EIF5: variants seen among roughly 807,000 people sequenced by gnomAD.
EIF5 encodes the protein eukaryotic translation initiation factor 5.
EIF5 carries 10 observed loss-of-function variants against 48.3 expected under a neutral mutation model. The observed-to-expected ratio is 0.21, with a 90% CI of 0.13 to 0.35. The LOEUF (loss-of-function observed/expected upper bound fraction) is 0.35. EIF5 is among the 10% of genes least tolerant of loss of function. EIF5 has a pLI of 1.00. For synonymous variants in EIF5, 237 were observed against 173.1 expected (o/e 1.37, Z -2.90); for missense variants, 397 against 533.2 (o/e 0.74, Z 2.51).
chr14:103,339,882 G>T, intron 10 of EIF5, 79 bp downstream of exon 10: 2 of 1,469,112 alleles, frequency 1.4e-6, no homozygotes, highest in Non-Finnish European at 1.8e-6. Flanking sequence ...TTTTGGAGAC[G>T]GAGTCTCATT....
In EIF5 at chr14:103,341,077, C is replaced by T; in HGVS notation, c.*25C>T. 1 of 1,606,550 alleles carries T rather than the reference C, an allele frequency of 6.2e-7. No individual in the cohort carries two copies. Among genetic ancestry groups the T allele is most frequent in the Non-Finnish European group, 8.5e-7 (1 of 1,173,856 alleles). ...AAGGGATGGATGCAACCTAGCTTAA[C>T]AGTATAATGCTGCAAATTTTCCTCC... On this transcript the variant is annotated 3_prime_UTR_variant, in exon 12 of 12. Coordinates refer to ENST00000216554, the MANE Select transcript of EIF5 (RefSeq NM_001969.5).
chr14:103,340,584 A>G (rs770713153), intron 11 of EIF5, 23 bp downstream of exon 11: 29 of 1,602,434 alleles, frequency 1.8e-5, no homozygotes, highest in Non-Finnish European at 2.5e-5. Flanking sequence ...GGAGGAGGGT[A>G]TTGGATACAG....
In EIF5 at chr14:103,338,878, C is replaced by G. The variant is rs749888858; in HGVS notation, c.729C>G (p.Leu243=). 8.1e-6 allele frequency: 13 copies of G among 1,613,562 alleles called. No individual in the cohort carries two copies. The highest frequency in any genetic ancestry group is 1.1e-5 in the Non-Finnish European group (13 of 1,179,868). ...CAATTGAGGAGAGGGTCAATATCCTCTTTGATTTTGTTAAGGTAAAACATT... is the reference window on the plus strand; with the variant it reads ...CAATTGAGGAGAGGGTCAATATCCTGTTTGATTTTGTTAAGGTAAAACATT... ...ERTIEERVNI[L]FDFVKKKKEE... The change falls in exon 8 of 12, where the codon CTC becomes CTG. Residue 243 remains leucine (L), a synonymous_variant. Transcript: ENST00000216554.
chr14:103,339,346 C>G lies in EIF5; in HGVS notation c.906+13C>G, dbSNP rs373125881. On this transcript the variant is annotated intron_variant, in intron 9 of 11. Transcript: ENST00000216554. ...CCATTTCCTACGAGTAAGCAAAGTG[C>G]TCTGGATTCATAAATGAGATTACAG... The G allele has an allele frequency of 1.3e-6, 2 of 1,580,814 alleles. No individual in the cohort carries two copies. Among genetic ancestry groups the G allele is most frequent in the Non-Finnish European group, 1.7e-6 (2 of 1,169,812 alleles).
At chr14:103,339,394 A>G in intron 9 of EIF5, 61 bp downstream of exon 9, 5 of 1,540,176 alleles carry the variant, frequency 3.2e-6, no homozygotes, top group South Asian at 2.6e-5. Context: ...CGAGATGGTC[A>G]TATTAACCAC....
At chr14:103,335,549 A>C (rs186271244) in intron 2 of EIF5, 104 bp from the exon 3 acceptor site, 1 of 417,882 alleles carries the variant, frequency 2.4e-6, no homozygotes. Context: ...TTTAAGGTGG[A>C]GTTAAGCAGA....
rs1002102885 is a variant in EIF5, at chr14:103,343,733, C to G, written c.*2681C>G. The G allele has an allele frequency of 6.6e-6, 1 of 152,142 alleles. No homozygotes were observed. The allele number at this position is 152,142 out of a possible 1,614,324, so 9.4% of individuals were successfully genotyped here. On this transcript the variant is annotated 3_prime_UTR_variant, in exon 12 of 12. Coordinates refer to ENST00000216554, the MANE Select transcript of EIF5 (RefSeq NM_001969.5). The stretch of plus-strand genomic sequence containing the variant: ...CAAAAAGCAGATAAGTGAGTTTGAA[C>G]CTTTTGCATTTTGTTAGCTCAGTCA...
chr14:103,343,015 T>C lies in EIF5; in HGVS notation c.*1963T>C, dbSNP rs1302170809. ...AAATTTGGCTTAAACCAGTGTTCAG[T>C]CTGGTGCCAAACTTCGAATGGAATA... is the stretch of plus-strand genomic sequence containing the variant. On this transcript the variant is annotated 3_prime_UTR_variant, in exon 12 of 12. Transcript: ENST00000216554. 2.6e-5 allele frequency: 4 copies of C among 152,674 alleles called. No homozygotes were observed. The highest frequency in any genetic ancestry group is 9.6e-5 in the African/African-American group (4 of 41,466). The allele number at this position is 152,674 out of a possible 1,614,324, so 9.5% of individuals were successfully genotyped here.
rs2140360718 is a variant in EIF5 at position 103,338,402 on chromosome 14, C to G, written c.515C>G (p.Ser172Cys). ...AAGGGCAAAGACAAGGAAAATGGCTCCGTATCCAGCAGTGAGACACCACCA... is the reference window on the plus strand; with the variant it reads ...AAGGGCAAAGACAAGGAAAATGGCTGCGTATCCAGCAGTGAGACACCACCA... The part of the protein sequence containing the change: ...NRKGKDKENG[S>C]VSSSETPPPP... Residue 172 changes from serine (S) to cysteine (C), a missense_variant, in exon 7 of 12, where the codon TCC becomes TGC. Transcript: ENST00000216554. The G allele has an allele frequency of 6.2e-7, 1 of 1,609,250 alleles. No individual in the cohort carries two copies. The highest frequency in any genetic ancestry group is 8.5e-7 in the Non-Finnish European group (1 of 1,177,424).
rs1424442164 is a variant in EIF5, at chr14:103,342,459, A to C, written c.*1407A>C. ...ACCTCTTGGCAGTTACCCTTTTCAC[A>C]AAGTGCACAGTGGGAATCGAGAATC... On this transcript the variant is annotated 3_prime_UTR_variant, in exon 12 of 12. Transcript: ENST00000216554. 2 of 152,224 alleles carry C rather than the reference A, an allele frequency of 1.3e-5. No homozygotes were observed. The highest frequency in any genetic ancestry group is 4.8e-5 in the African/African-American group (2 of 41,444). 9.4% of individuals were successfully genotyped at this position (152,224 alleles called of 1,614,324 possible). A position where few individuals can be genotyped will look rare whatever the true frequency, so the allele number is the denominator to read the frequency against.
At position 103,344,002 on chromosome 14, in the gene EIF5, AAGCC is replaced by A. The variant is rs1206591591; in HGVS notation, c.*2953_*2956del. 1 of 152,204 alleles carries A rather than the reference AAGCC, an allele frequency of 6.6e-6. No individual in the cohort carries two copies. Among genetic ancestry groups the A allele is most frequent in the Non-Finnish European group, 1.5e-5 (1 of 68,034 alleles). The allele number at this position is 152,204 out of a possible 1,614,324, so 9.4% of individuals were successfully genotyped here. A position where few individuals can be genotyped will look rare whatever the true frequency, so the allele number is the denominator to read the frequency against. On this transcript the variant is annotated 3_prime_UTR_variant, in exon 12 of 12. Transcript: ENST00000216554. Reference sequence around the variant, plus strand: ...AATTTCAGCCTCCCTGACTACTACAAAGCCAGAGCAGTCTTAGTACCAGAAACAG... The same window carrying A: ...AATTTCAGCCTCCCTGACTACTACAAAGAGCAGTCTTAGTACCAGAAACAG...
At chr14:103,336,363 G>A (rs1284345004) in intron 4 of EIF5, 6 of 579,192 alleles carry the variant, frequency 1.0e-5, no homozygotes, top group East Asian at 5.9e-5. Flanking sequence ...CAAGCGGATC[G>A]CGAGGTCAGG....
At chr14:103,339,378 G>C (rs370932821) in intron 9 of EIF5, 45 bp downstream of exon 9, 17 of 1,556,734 alleles carry the variant, frequency 1.1e-5, no homozygotes, top group Non-Finnish European at 1.4e-5. Flanking sequence ...ACAGTTGTGT[G>C]GCTTTCGAGA....
chr14:103,337,956 T>C, intron 6 of EIF5: 1 of 533,736 alleles, frequency 1.9e-6, no homozygotes, highest in South Asian at 1.4e-5. Flanking sequence ...AGACAAGCCG[T>C]TATATAGACT....
At chr14:103,337,344 C>T in intron 6 of EIF5, 117 bp downstream of exon 6, 1 of 842,066 alleles carries the variant, frequency 1.2e-6, no homozygotes, top group Non-Finnish European at 1.8e-6. Context: ...GTGGCTCATG[C>T]TTGTATTCCC....
chr14:103,338,015 T>C (rs909539229), intron 6 of EIF5: 2 of 564,118 alleles, frequency 3.5e-6, no homozygotes, highest in East Asian at 4.1e-5. Flanking sequence ...TTAATGACTT[T>C]GTTCATGAGG....
rs769790676 is a variant in EIF5, at chr14:103,336,872, A to C, written c.327+23A>C. ...TTGGTAAGTGCTTTTGTGGTTGTCG[A>C]AAGAAAAAGCCATATACCTGCTTCT... is the stretch of plus-strand genomic sequence containing the variant. On this transcript the variant is annotated intron_variant, in intron 5 of 11. Transcript: ENST00000216554. 7 of 1,601,596 alleles carry C rather than the reference A, an allele frequency of 4.4e-6. No individual in the cohort carries two copies. The East Asian group carries it at 1.3e-4, about 31-fold the overall frequency.
In EIF5 at chr14:103,336,810, T is replaced by C. The variant is rs565502439; in HGVS notation, c.288T>C (p.Phe96=). The change falls in exon 5 of 12, where the codon TTT becomes TTC. Residue 96 remains phenylalanine, a synonymous_variant. Coordinates refer to ENST00000216554, the MANE Select transcript of EIF5 (RefSeq NM_001969.5). ...TGTTGGATGGATTCATTAAAAAATT[T>C]GTTCTCTGTCCTGAATGTGAGAATC... ...QDMLDGFIKK[F]VLCPECENPE... 2 of 1,614,056 alleles carry C rather than the reference T, an allele frequency of 1.2e-6. No individual in the cohort carries two copies. The highest frequency in any genetic ancestry group is 8.5e-7 in the Non-Finnish European group (1 of 1,179,980).
rs1412646770 is a variant in EIF5, at chr14:103,345,002, A to C, written c.*3950A>C. Reference sequence around the variant, plus strand: ...ATCTCAGAAAAAAGTAGATTTTAATAAAGTGTGAAAGTTGTCAATCAAAGC... The same window carrying C: ...ATCTCAGAAAAAAGTAGATTTTAATCAAGTGTGAAAGTTGTCAATCAAAGC... On this transcript the variant is annotated 3_prime_UTR_variant, in exon 12 of 12. Coordinates refer to ENST00000216554, the MANE Select transcript of EIF5 (RefSeq NM_001969.5). 2 of 152,168 alleles carry C rather than the reference A, an allele frequency of 1.3e-5. No homozygotes were observed. Among genetic ancestry groups the C allele is most frequent in the Admixed American group, 1.3e-4 (2 of 15,278 alleles). The allele number at this position is 152,168 out of a possible 1,614,324, so 9.4% of individuals were successfully genotyped here.
Sources: allele counts gnomAD v4.1 joint callset, GRCh38; gene constraint gnomAD v4.1.1; transcripts MANE v1.5; gene names NCBI Gene and HGNC (gene_info 2026-07-23, HGNC 2026-07-21).